Variants in XRCC4 observed in about 807,000 individuals in gnomAD.
XRCC4 encodes the protein DNA repair protein XRCC4.
Under a neutral mutation model 39.1 loss-of-function variants are expected in XRCC4, and 28 were observed. The observed-to-expected ratio is 0.72, with a 90% CI of 0.53 to 0.98. XRCC4 has a LOEUF of 0.98. XRCC4 is among the 50% of genes least tolerant of loss of function. The probability of loss-of-function intolerance (pLI) is 0.00; values close to 1 mark genes in which losing one functional copy is unlikely to be tolerated. For synonymous variants in XRCC4, 123 were observed against 126.4 expected, an observed-to-expected ratio of 0.97 and a Z score of 0.18; for missense variants, 350 against 376.4, an observed-to-expected ratio of 0.93 and a Z score of 0.58.
chr5:83,121,676 A>G lies in XRCC4; in HGVS notation c.315+10473A>G, dbSNP rs7720024. ...ACACAATTTGCAAATACTTTCTCCA[A>G]GTTTGTGGGAGAAGCAGATAATTTC... On this transcript the variant is annotated intron_variant, in intron 3 of 7. Coordinates refer to ENST00000396027, the MANE Select transcript of XRCC4 (RefSeq NM_003401.5). Among the ~76,000 whole-genome samples, 19 of 152,058 alleles carry G rather than the reference A, an allele frequency of 1.2e-4. 1 individual carries two copies. Among genetic ancestry groups the G allele is most frequent in the Non-Finnish European group, 2.9e-5 (2 of 68,006 alleles).
At chr5:83,103,151 C>A (rs950135286) in intron 1 of XRCC4, among the ~76,000 whole-genome samples, 1 of 151,312 alleles carries the variant, frequency 6.6e-6, no homozygotes, top group Non-Finnish European at 1.5e-5. Flanking sequence ...TTTAAACATG[C>A]GTGTCTGTGG....
intron 3 of XRCC4, among the ~76,000 whole-genome samples, chr5:83,141,145 C>T (rs986796820): frequency 2.0e-5 from 3 of 152,166 alleles, no homozygotes; most frequent in African/African-American, 7.2e-5. Flanking sequence ...AGGAACTTCT[C>T]CTTTTTTGTG....
chr5:83,144,024 C>A (rs913516612), intron 3 of XRCC4, among the ~76,000 whole-genome samples: 1 of 151,756 alleles, frequency 6.6e-6, no homozygotes, highest in Non-Finnish European at 1.5e-5. Context: ...TACATTCTAC[C>A]CTATATGTAG....
At chr5:83,137,952 A>G (rs926564008) in intron 3 of XRCC4, among the ~76,000 whole-genome samples, 2 of 152,178 alleles carry the variant, frequency 1.3e-5, no homozygotes, top group Non-Finnish European at 2.9e-5. Context: ...TGCATAGTGG[A>G]CAGAACATAG....
At chr5:83,310,015 T>G (rs1476304216) in intron 7 of XRCC4, among the ~76,000 whole-genome samples, 2 of 152,144 alleles carry the variant, frequency 1.3e-5, no homozygotes, top group African/African-American at 4.8e-5. Flanking sequence ...AATAATTAAC[T>G]ACCGGTGAAT....
At chr5:83,127,024 A>G (rs1221807442) in intron 3 of XRCC4, among the ~76,000 whole-genome samples, 1 of 152,142 alleles carries the variant, frequency 6.6e-6, no homozygotes, top group Non-Finnish European at 1.5e-5. Flanking sequence ...TTGATTTTAC[A>G]GGGAAATTTG....
At chr5:83,363,702 G>T in the XRCC4 span, among the ~76,000 whole-genome samples, 1 of 152,188 alleles carries the variant, frequency 6.6e-6, no homozygotes, top group African/African-American at 2.4e-5. Context: ...TGGCCCTTGG[G>T]CTTTGATATA....
At chr5:83,261,640 G>A (rs1311413386) in intron 7 of XRCC4, among the ~76,000 whole-genome samples, 2 of 137,802 alleles carry the variant, frequency 1.5e-5, no homozygotes, top group East Asian at 4.2e-4. Context: ...ACAAGACTTT[G>A]TGCAAGTCAT....
chr5:83,209,757 A>G (rs930007347), intron 6 of XRCC4, among the ~76,000 whole-genome samples: 2 of 151,992 alleles, frequency 1.3e-5, no homozygotes, highest in African/African-American at 4.8e-5. Flanking sequence ...ATTTATTACA[A>G]TTATAGGATA....
chr5:83,128,382 AT>A (rs1235376598), intron 3 of XRCC4, among the ~76,000 whole-genome samples: 2 of 152,318 alleles, frequency 1.3e-5, no homozygotes, highest in Non-Finnish European at 2.9e-5. Context: ...ATTGATGGAC[AT>A]TTGGGTTGGT....
At chr5:83,331,018 A>T (rs536470614) in intron 7 of XRCC4, among the ~76,000 whole-genome samples, 1 of 152,180 alleles carries the variant, frequency 6.6e-6, no homozygotes, top group African/African-American at 2.4e-5. Flanking sequence ...TACCTACCTC[A>T]TCATTAAAAT....
chr5:83,204,118 T>C (rs1283967492), intron 5 of XRCC4, among the ~76,000 whole-genome samples: 7 of 152,190 alleles, frequency 4.6e-5, no homozygotes, highest in Non-Finnish European at 1.5e-5. Context: ...TTATTTTATC[T>C]GATTAGAGTG....
intron 7 of XRCC4, among the ~76,000 whole-genome samples, chr5:83,328,539 A>G (rs1185312889): frequency 6.6e-6 from 1 of 152,160 alleles, no homozygotes; most frequent in Admixed American, 6.6e-5. Flanking sequence ...GCAAATTGTA[A>G]AATTTAAAGG....
At chr5:83,239,307 G>T (rs1037941420) in intron 6 of XRCC4, among the ~76,000 whole-genome samples, 1 of 152,086 alleles carries the variant, frequency 6.6e-6, no homozygotes, top group Non-Finnish European at 1.5e-5. Flanking sequence ...TGTCATAGAT[G>T]GTACTCAATA....
chr5:83,312,966 TTGCGGA>T (rs1755754947), intron 7 of XRCC4, among the ~76,000 whole-genome samples: 1 of 152,144 alleles, frequency 6.6e-6, no homozygotes. Context: ...AAAATTCATT[TTGCGGA>T]TGCTGAGTTG....
chr5:83,138,907 T>G (rs914231833), intron 3 of XRCC4, among the ~76,000 whole-genome samples: 3 of 152,130 alleles, frequency 2.0e-5, no homozygotes, highest in African/African-American at 7.2e-5. Context: ...TATATATTTT[T>G]TATTGCTTAA....
intron 7 of XRCC4, among the ~76,000 whole-genome samples, chr5:83,276,170 G>C (rs1754324063): frequency 6.6e-6 from 1 of 152,138 alleles, no homozygotes; most frequent in African/African-American, 2.4e-5. Flanking sequence ...TTCTCAAGAT[G>C]CTGAGCCAAA....
chr5:83,197,415 T>G (rs979318746), intron 4 of XRCC4, among the ~76,000 whole-genome samples: 3 of 152,174 alleles, frequency 2.0e-5, no homozygotes, highest in African/African-American at 7.2e-5. Context: ...GGAAATTTGA[T>G]CCACAAATTG....
chr5:83,132,313 A>T (rs181312039), intron 3 of XRCC4, among the ~76,000 whole-genome samples: 12 of 150,622 alleles, frequency 8.0e-5, no homozygotes, highest in Non-Finnish European at 1.6e-4. Context: ...TGCCCTTAAC[A>T]TTTTTTCCTT....
Sources: allele counts gnomAD v4.1 joint callset (sites outside exome capture counted in the v4.1 genomes callset), GRCh38; gene constraint gnomAD v4.1.1; transcripts MANE v1.5; gene names NCBI Gene and HGNC (gene_info 2026-07-23, HGNC 2026-07-21).